The following PKP2 variants were observed in gnomAD, a reference collection of about 807,000 sequenced individuals.
PKP2 encodes plakophilin 2.
In PKP2, 73 loss-of-function variants were observed where a neutral mutation model predicts 83.4. The observed-to-expected ratio is 0.88, with a 90% confidence interval of 0.72 to 1.06. PKP2 has a LOEUF of 1.06. Ranked by LOEUF, PKP2 falls within the 50% of genes least tolerant of loss-of-function variation. The pLI, the probability that PKP2 is intolerant of heterozygous loss-of-function variation, is 0.00. For missense variants in PKP2, 966 were observed against 1,065.4 expected, an observed-to-expected ratio of 0.91 and a Z score of 1.30; for synonymous variants, 409 against 430.4, an observed-to-expected ratio of 0.95 and a Z score of 0.62.
In PKP2 at chr12:32,878,401, T is replaced by C. The variant is rs763249730; in HGVS notation, c.479A>G (p.His160Arg). Residue 160 changes from histidine to arginine, a missense_variant, in exon 3 of 13, where the codon CAC becomes CGC. His to Arg is a conservative substitution (Grantham distance 29). Transcript: ENST00000340811. ...GTACTGGTAATCGCTGTGCGTGTAG[T>C]GAGCCCTCTCCGGGCTGCTGTCAGG... ...ISPDSSPERAHYTHSDYQYSQ... is the reference protein window; with the variant it reads ...ISPDSSPERARYTHSDYQYSQ... 3 of 1,614,018 alleles carry C rather than the reference T, an allele frequency of 1.9e-6. No individual in the cohort carries two copies. The highest frequency in any genetic ancestry group is 1.1e-5 in the South Asian group (1 of 91,080).
Position 32,896,750 on chromosome 12 carries a change from C to G in PKP2, c.-19G>C. ...CTGCCATGGGGCCGGTGGGGGCGAC[C>G]GAGCTGCTCGCCTGCCTCTGGACTC... On this transcript the variant is annotated 5_prime_UTR_variant, in exon 1 of 13. Coordinates refer to ENST00000340811, the MANE Select transcript of PKP2 (RefSeq NM_001005242.3). 7.6e-7 allele frequency: 1 copy of G among 1,319,028 alleles called. No individual in the cohort carries two copies. The highest frequency in any genetic ancestry group is 1.5e-5 in the South Asian group (1 of 66,234). 81.7% of individuals were successfully genotyped at this position (1,319,028 alleles called of 1,614,324 possible).
intron 6 of PKP2, among the ~76,000 whole-genome samples, chr12:32,830,782 T>C (rs184819840): frequency 1.1e-3 from 168 of 152,182 alleles, no homozygotes; most frequent in Admixed American, 3.5e-3. Context: ...AGCGCATGCC[T>C]GTAATCCCAG....
rs528195708 is a variant in PKP2 at position 32,890,686 on chromosome 12, C to T, written c.223+5823G>A. ...ATAGAAAAGATACACAGGCCGGGTG[C>T]GGTGGCTCACGCCTGAGATCCCAGC... is the stretch of plus-strand genomic sequence containing the variant. On this transcript the variant is annotated intron_variant, in intron 1 of 12. Transcript: ENST00000340811. Among the ~76,000 whole-genome samples the T allele has an allele frequency of 5.3e-5, 8 of 152,226 alleles. No homozygotes were observed. The East Asian group carries it at 1.2e-3, about 22-fold the overall frequency.
chr12:32,871,849 C>A (rs376224684), intron 3 of PKP2, among the ~76,000 whole-genome samples: 1 of 152,138 alleles, frequency 6.6e-6, no homozygotes. Flanking sequence ...ATTCTCCTGT[C>A]TCAGCTCAAA....
chr12:32,828,889 T>C (rs993446504), intron 6 of PKP2, among the ~76,000 whole-genome samples: 2 of 152,132 alleles, frequency 1.3e-5, no homozygotes, highest in Non-Finnish European at 2.9e-5. Flanking sequence ...TTCAAGACAC[T>C]TCACCACCAT....
chr12:32,855,902 C>T (rs1956743405), intron 4 of PKP2, among the ~76,000 whole-genome samples: 1 of 151,512 alleles, frequency 6.6e-6, no homozygotes, highest in South Asian at 2.1e-4. Context: ...TAGGATCTGC[C>T]ATTTTCTATG....
chr12:32,843,361 A>T, intron 5 of PKP2: 1 of 1,348,992 alleles, frequency 7.4e-7, no homozygotes. Flanking sequence ...AGGCTCCTTT[A>T]TGAACACAGC....
chr12:32,821,551 C>A (rs1302669515), intron 8 of PKP2, 22 bp from the exon 9 acceptor site: 1 of 1,613,150 alleles, frequency 6.2e-7, no homozygotes, highest in Non-Finnish European at 8.5e-7. Context: ...CAAAAGGAAT[C>A]CAGAATTAAT....
intron 1 of PKP2, among the ~76,000 whole-genome samples, chr12:32,883,512 A>G (rs1290219869): frequency 1.3e-5 from 2 of 152,264 alleles, no homozygotes; most frequent in South Asian, 2.1e-4. Flanking sequence ...TAACTCAGCC[A>G]TGTCCTTTTC....
At chr12:32,798,084 G>GTGT (rs1555141263) in intron 10 of PKP2, among the ~76,000 whole-genome samples, 2 of 124,152 alleles carry the variant, frequency 1.6e-5, no homozygotes, top group Non-Finnish European at 3.2e-5. Flanking sequence ...TACTACTCTT[G>GTGT]TTTTTTTTTT....
intron 3 of PKP2, among the ~76,000 whole-genome samples, chr12:32,870,805 C>T (rs1488439602): frequency 5.3e-5 from 8 of 152,188 alleles, no homozygotes; most frequent in African/African-American, 1.9e-4. Context: ...GCCATTAATC[C>T]ATTTCATAAG....
intron 9 of PKP2, among the ~76,000 whole-genome samples, chr12:32,805,951 T>C (rs1253730808): frequency 2.0e-5 from 3 of 152,244 alleles, no homozygotes; most frequent in African/African-American, 7.2e-5. Context: ...TCAAAGGCCT[T>C]TTCTGCATCT....
At chr12:32,796,011 A>C (rs1306937995) in intron 11 of PKP2, 98 bp downstream of exon 11, 2 of 1,077,792 alleles carry the variant, frequency 1.9e-6, no homozygotes, top group Non-Finnish European at 2.9e-6. Context: ...GCCATGTTGC[A>C]CATGATGGTC....
At chr12:32,803,004 T>C (rs1025729014) in intron 9 of PKP2, among the ~76,000 whole-genome samples, 10 of 152,058 alleles carry the variant, frequency 6.6e-5, no homozygotes, top group Non-Finnish European at 1.3e-4. Flanking sequence ...AGTCTAAAGG[T>C]ATTTTCTTTA....
Position 32,802,572 on chromosome 12 carries a change from T to A in PKP2, c.2014-16A>T. The A allele has an allele frequency of 6.2e-7, 1 of 1,612,046 alleles. No individual in the cohort carries two copies. The highest frequency in any genetic ancestry group is 8.5e-7 in the Non-Finnish European group (1 of 1,178,210). ...ATGTCGGCATCTGTTTTGTGAGACATATCCTATAAGTGCTATTGTATTTGA... is the reference window on the plus strand; with the variant it reads ...ATGTCGGCATCTGTTTTGTGAGACAAATCCTATAAGTGCTATTGTATTTGA... On this transcript the variant is annotated splice_polypyrimidine_tract_variant and intron_variant, in intron 9 of 12. Transcript: ENST00000340811.
At chr12:32,825,563 A>G (rs931455214) in intron 6 of PKP2, among the ~76,000 whole-genome samples, 1 of 152,178 alleles carries the variant, frequency 6.6e-6, no homozygotes, top group Non-Finnish European at 1.5e-5. Flanking sequence ...AACATCAAAA[A>G]GAACTGCAAC....
At chr12:32,796,532 G>A (rs1167803810) in intron 10 of PKP2, among the ~76,000 whole-genome samples, 2 of 151,934 alleles carry the variant, frequency 1.3e-5, no homozygotes, top group Non-Finnish European at 2.9e-5. Context: ...ACAGGCACCC[G>A]CCACCACGCC....
intron 1 of PKP2, among the ~76,000 whole-genome samples, chr12:32,879,536 A>C (rs1956966458): frequency 1.3e-5 from 2 of 152,006 alleles, no homozygotes; most frequent in Admixed American, 6.5e-5. Context: ...CTGTCTCAAA[A>C]AGAAAGTTTT....
chr12:32,848,755 T>C (rs1272996148), intron 5 of PKP2, among the ~76,000 whole-genome samples: 2 of 152,074 alleles, frequency 1.3e-5, no homozygotes, highest in African/African-American at 2.4e-5. Context: ...ACACAATATA[T>C]CCATGTGACA....
Sources: gnomAD v4.1 joint callset for allele counts (sites outside exome capture counted in the v4.1 genomes callset) on GRCh38, gnomAD v4.1.1 for gene constraint, MANE v1.5 for transcripts, NCBI Gene and HGNC (gene_info 2026-07-23, HGNC 2026-07-21) for gene names.